SUMF1: variants seen among roughly 807,000 people sequenced by gnomAD.
SUMF1 encodes the protein sulfatase modifying factor 1.
SUMF1 carries 48 observed loss-of-function variants against 47.6 expected under a neutral mutation model. The ratio of observed to expected loss-of-function variants is 1.01; its 90% CI spans 0.80 to 1.28. The LOEUF (loss-of-function observed/expected upper bound fraction) is 1.28. Among genes scored for constraint, SUMF1 ranks in the 50% most tolerant of loss-of-function variants. SUMF1 has a pLI of 0.00. For synonymous variants in SUMF1, 230 were observed against 192.1 expected (o/e 1.20, Z -1.63); for missense variants, 571 against 485.4 (o/e 1.18, Z -1.66).
chr3:4,283,899 G>A (rs1371548026), intron 8 of SUMF1, among the ~76,000 whole-genome samples: 2 of 152,242 alleles, frequency 1.3e-5, no homozygotes, highest in Admixed American at 1.3e-4. Flanking sequence ...TGGTAGAAGA[G>A]GTATGGGATC....
intron 8 of SUMF1, among the ~76,000 whole-genome samples, chr3:4,191,636 G>A (rs777325352): frequency 4.6e-5 from 7 of 152,108 alleles, no homozygotes; most frequent in Non-Finnish European, 1.0e-4. Context: ...ATATATTTAG[G>A]CTGTAGAATC....
At chr3:4,286,244 A>C (rs1697630190) in intron 8 of SUMF1, among the ~76,000 whole-genome samples, 1 of 152,110 alleles carries the variant, frequency 6.6e-6, no homozygotes, top group African/African-American at 2.4e-5. Context: ...TTAAAAACAA[A>C]TTATCAGAAT....
intron 8 of SUMF1, among the ~76,000 whole-genome samples, chr3:4,324,927 T>A (rs1224987708): frequency 6.6e-6 from 1 of 152,010 alleles, no homozygotes; most frequent in African/African-American, 2.4e-5. Flanking sequence ...AAAAAGAGGT[T>A]TAATGGACTC....
At chr3:4,334,487 A>C (rs13096900) in intron 8 of SUMF1, among the ~76,000 whole-genome samples, 4 of 152,224 alleles carry the variant, frequency 2.6e-5, no homozygotes, top group Non-Finnish European at 4.4e-5. Context: ...GAGGGTATAG[A>C]CCACATTTCT....
At chr3:4,241,742 G>C (rs1202371222) in intron 8 of SUMF1, among the ~76,000 whole-genome samples, 1 of 152,148 alleles carries the variant, frequency 6.6e-6, no homozygotes, top group Non-Finnish European at 1.5e-5. Flanking sequence ...CGAGAAGTGG[G>C]TTTAGGAGCA....
intron 8 of SUMF1, among the ~76,000 whole-genome samples, chr3:4,076,578 T>G (rs150254986): frequency 6.6e-6 from 1 of 151,698 alleles, no homozygotes; most frequent in Non-Finnish European, 1.5e-5. Flanking sequence ...TGGGAGAAAA[T>G]TTTTGCAATC....
At chr3:4,039,964 A>G (rs1185183675) in intron 9 of SUMF1, among the ~76,000 whole-genome samples, 2 of 152,144 alleles carry the variant, frequency 1.3e-5, no homozygotes, top group African/African-American at 2.4e-5. Context: ...TAAGGCTGCA[A>G]TGAGCCATGA....
intron 8 of SUMF1, among the ~76,000 whole-genome samples, chr3:4,107,627 CCT>C (rs1417132088): frequency 6.6e-6 from 1 of 152,002 alleles, no homozygotes; most frequent in Non-Finnish European, 1.5e-5. Context: ...GCCATTCAGC[CCT>C]CTAGTGGAAG....
intron 8 of SUMF1, among the ~76,000 whole-genome samples, chr3:4,351,379 C>T (rs763671812): frequency 6.6e-6 from 1 of 152,130 alleles, no homozygotes; most frequent in Non-Finnish European, 1.5e-5. Context: ...ACTTTAGCCT[C>T]GTTTTACAAA....
chr3:4,399,158 C>G (rs779270968), intron 7 of SUMF1, among the ~76,000 whole-genome samples: 1 of 152,114 alleles, frequency 6.6e-6, no homozygotes, highest in Non-Finnish European at 1.5e-5. Context: ...GGAGAAAAGT[C>G]CCATACAAAT....
intron 3 of SUMF1, among the ~76,000 whole-genome samples, chr3:4,433,754 G>A (rs1199992283): frequency 6.6e-6 from 1 of 152,162 alleles, no homozygotes; most frequent in Non-Finnish European, 1.5e-5. Context: ...GAAGACAGTG[G>A]GACATCTAGA....
intron 8 of SUMF1, among the ~76,000 whole-genome samples, chr3:4,325,215 C>G (rs1297141442): frequency 6.6e-6 from 1 of 151,910 alleles, no homozygotes; most frequent in African/African-American, 2.4e-5. Flanking sequence ...CCATATCACC[C>G]CTGTTCTTCA....
At chr3:4,410,729 G>T in intron 7 of SUMF1, 136 bp downstream of exon 7, 1 of 788,468 alleles carries the variant, frequency 1.3e-6, no homozygotes. Context: ...TGCGCTTAAT[G>T]TGCCTTTAGG....
At position 4,159,511 on chromosome 3, in the gene SUMF1, C is replaced by G. The variant is rs534892041; in HGVS notation, c.1015-90766G>C. 2.2e-4 allele frequency among the ~76,000 whole-genome samples: 34 copies of G among 151,616 alleles called. No homozygotes were observed. In the South Asian group the frequency reaches 6.9e-3, roughly 31 times the overall value. On this transcript the variant is annotated intron_variant and NMD_transcript_variant, in intron 8 of 12. Coordinates refer to the SUMF1 transcript ENST00000448413. ...ATTTATATCTTACTGTACTATGTCT[C>G]AAAAAGTTGTAGTTTTTTTTTGATC...
chr3:4,122,836 G>C (rs1693575372), intron 8 of SUMF1, among the ~76,000 whole-genome samples: 2 of 152,174 alleles, frequency 1.3e-5, no homozygotes, highest in Non-Finnish European at 2.9e-5. Flanking sequence ...AGGCTCAGCA[G>C]CAGGATCTGG....
chr3:4,238,793 T>C (rs886573938), intron 8 of SUMF1, among the ~76,000 whole-genome samples: 2 of 152,202 alleles, frequency 1.3e-5, no homozygotes, highest in African/African-American at 4.8e-5. Flanking sequence ...ATCCCATTTG[T>C]CTATTTTGGC....
intron 8 of SUMF1, among the ~76,000 whole-genome samples, chr3:4,302,403 C>T (rs1419481357): frequency 6.6e-6 from 1 of 152,076 alleles, no homozygotes; most frequent in Non-Finnish European, 1.5e-5. Context: ...TCAATAGAAA[C>T]GAATGTCTGG....
At chr3:4,119,195 C>T (rs140487324) in intron 8 of SUMF1, among the ~76,000 whole-genome samples, 52 of 152,240 alleles carry the variant, frequency 3.4e-4, no homozygotes, top group African/African-American at 4.8e-4. Context: ...CTGCTCTCTC[C>T]GCCTACATTG....
intron 8 of SUMF1, among the ~76,000 whole-genome samples, chr3:4,159,285 A>AT (rs1694522221): frequency 1.7e-5 from 2 of 119,010 alleles, no homozygotes; most frequent in Admixed American, 1.7e-4. Flanking sequence ...TTTTTTTTTT[A>AT]TTTTTTGTGC....
Sources: allele counts gnomAD v4.1 joint callset (sites outside exome capture counted in the v4.1 genomes callset), GRCh38; gene constraint gnomAD v4.1.1; transcripts MANE v1.5; gene names NCBI Gene and HGNC (gene_info 2026-07-23, HGNC 2026-07-21).